CTNND2: variants seen among roughly 807,000 people sequenced by gnomAD.
The protein encoded by CTNND2 is catenin delta-2.
CTNND2 carries 22 observed loss-of-function variants against 144.4 expected under a neutral mutation model. The observed-to-expected ratio is 0.15, with a 90% CI of 0.11 to 0.22. CTNND2 has a LOEUF of 0.22. CTNND2 is among the 10% of genes least tolerant of loss of function. CTNND2 has a pLI of 1.00. For missense variants in CTNND2, 1,353 were observed against 1,618.8 expected (o/e 0.84, Z 2.82); for synonymous variants, 751 against 695.6 (o/e 1.08, Z -1.25).
At chr5:11,178,511 G>C (rs1426806527) in intron 11 of CTNND2, among the ~76,000 whole-genome samples, 3 of 152,186 alleles carry the variant, frequency 2.0e-5, no homozygotes, top group Non-Finnish European at 4.4e-5. Flanking sequence ...TAGAGAGGCA[G>C]AGATGATACA....
chr5:10,986,911 C>T (rs1738037620), intron 20 of CTNND2, among the ~76,000 whole-genome samples: 2 of 152,270 alleles, frequency 1.3e-5, no homozygotes, highest in African/African-American at 4.8e-5. Context: ...TTTGTCTGCT[C>T]TGCTTCCCTG....
intron 11 of CTNND2, among the ~76,000 whole-genome samples, chr5:11,163,215 T>A (rs1484387812): frequency 6.6e-6 from 1 of 152,184 alleles, no homozygotes; most frequent in Non-Finnish European, 1.5e-5. Flanking sequence ...TAAAAAGGCT[T>A]TGTGGCTCCC....
At chr5:11,064,907 C>T (rs1478111440) in intron 16 of CTNND2, among the ~76,000 whole-genome samples, 2 of 152,196 alleles carry the variant, frequency 1.3e-5, no homozygotes, top group East Asian at 3.8e-4. Context: ...GTTTTTTCTG[C>T]ACCCAGTTCA....
intron 3 of CTNND2, among the ~76,000 whole-genome samples, chr5:11,446,477 C>T (rs905084167): frequency 1.4e-4 from 22 of 152,156 alleles, no homozygotes; most frequent in African/African-American, 5.3e-4. Context: ...AAGAGCCAGC[C>T]TATGATTTGC....
At chr5:11,042,790 C>T (rs936975040) in intron 16 of CTNND2, among the ~76,000 whole-genome samples, 4 of 152,146 alleles carry the variant, frequency 2.6e-5, no homozygotes, top group African/African-American at 4.8e-5. Context: ...AAGAAGGCAG[C>T]AAGCCTGGTG....
chr5:11,199,066 A>C (rs1737160811), intron 11 of CTNND2, among the ~76,000 whole-genome samples: 1 of 152,226 alleles, frequency 6.6e-6, no homozygotes, highest in African/African-American at 2.4e-5. Flanking sequence ...GTCTGTTGTT[A>C]AACACACTAG....
intron 11 of CTNND2, among the ~76,000 whole-genome samples, chr5:11,168,966 T>C (rs1020062683): frequency 1.3e-5 from 2 of 152,212 alleles, no homozygotes; most frequent in African/African-American, 4.8e-5. Context: ...TTCCTATCCC[T>C]GTGTTAGACC....
intron 8 of CTNND2, among the ~76,000 whole-genome samples, chr5:11,349,060 C>G (rs1398274842): frequency 6.6e-6 from 1 of 152,120 alleles, no homozygotes; most frequent in Non-Finnish European, 1.5e-5. Context: ...GTTCTTGGCA[C>G]TGGACAGATT....
At chr5:11,196,108 T>C (rs1165444914) in intron 11 of CTNND2, among the ~76,000 whole-genome samples, 1 of 152,236 alleles carries the variant, frequency 6.6e-6, no homozygotes, top group African/African-American at 2.4e-5. Context: ...GTTCAAATTG[T>C]TTGCCAAGCA....
At chr5:11,092,870 T>C (rs962239386) in intron 15 of CTNND2, among the ~76,000 whole-genome samples, 2 of 152,216 alleles carry the variant, frequency 1.3e-5, no homozygotes, top group Non-Finnish European at 2.9e-5. Context: ...ACTCCACTAA[T>C]CTGCCCTGGT....
intron 15 of CTNND2, among the ~76,000 whole-genome samples, chr5:11,084,362 C>T (rs978135474): frequency 3.9e-5 from 6 of 152,210 alleles, no homozygotes; most frequent in Non-Finnish European, 7.3e-5. Flanking sequence ...CCTGTGGACA[C>T]ATCTGCCTCC....
At chr5:11,605,739 T>C (rs1241273881) in intron 2 of CTNND2, among the ~76,000 whole-genome samples, 1 of 151,996 alleles carries the variant, frequency 6.6e-6, no homozygotes, top group Non-Finnish European at 1.5e-5. Context: ...CGGTGGTCAC[T>C]GGAAATCTGG....
chr5:11,489,146 A>G (rs1191310728), intron 3 of CTNND2, among the ~76,000 whole-genome samples: 2 of 152,198 alleles, frequency 1.3e-5, no homozygotes, highest in African/African-American at 2.4e-5. Context: ...CACAGTCTAT[A>G]GTATTTTGCA....
intron 1 of CTNND2, among the ~76,000 whole-genome samples, chr5:11,843,887 T>C (rs1402619884): frequency 2.6e-5 from 4 of 152,186 alleles, no homozygotes; most frequent in South Asian, 2.1e-4. Context: ...AAAGATTATA[T>C]TGTTTGTACT....
At chr5:11,061,528 G>A (rs1004454268) in intron 16 of CTNND2, among the ~76,000 whole-genome samples, 6 of 152,072 alleles carry the variant, frequency 3.9e-5, no homozygotes, top group African/African-American at 7.2e-5. Flanking sequence ...TGCACCAGGG[G>A]TTTTGCTCTT....
rs1401163114 is a variant in CTNND2 at position 11,291,343 on chromosome 5, G to T, written c.1629-54520C>A. Among the ~76,000 whole-genome samples the T allele has an allele frequency of 5.3e-5, 8 of 151,920 alleles. No individual in the cohort carries two copies. The East Asian group carries it at 1.4e-3, about 26-fold the overall frequency. The stretch of plus-strand genomic sequence containing the variant: ...TCTGAATTTCCTTCTCACTGTTTAG[G>T]TTGAGTCTCCAAATGCCATTGGATT... On this transcript the variant is annotated intron_variant, in intron 9 of 21. Transcript: ENST00000304623.
intron 9 of CTNND2, among the ~76,000 whole-genome samples, chr5:11,311,369 A>G (rs2530220): frequency 0.47 from 29,404 of 62,520 alleles, 6,053 homozygotes; most frequent in Non-Finnish European, 0.56. Context: ...ACATGTACAT[A>G]TACTCTAACA....
chr5:11,517,156 T>C (rs1246542417), intron 3 of CTNND2, among the ~76,000 whole-genome samples: 1 of 152,198 alleles, frequency 6.6e-6, no homozygotes, highest in Non-Finnish European at 1.5e-5. Flanking sequence ...CACTGCTAAA[T>C]ACCAAGCACA....
intron 3 of CTNND2, among the ~76,000 whole-genome samples, chr5:11,528,451 A>C (rs2150051155): frequency 6.6e-6 from 1 of 152,376 alleles, no homozygotes; most frequent in African/African-American, 2.4e-5. Context: ...GAAATATTCA[A>C]GAGTTCGTCC....
Sources: allele counts gnomAD v4.1 joint callset (sites outside exome capture counted in the v4.1 genomes callset), GRCh38; gene constraint gnomAD v4.1.1; transcripts MANE v1.5; gene names NCBI Gene and HGNC (gene_info 2026-07-23, HGNC 2026-07-21).